Variants in TBCD observed in about 807,000 individuals in gnomAD.
The protein encoded by TBCD is tubulin folding cofactor D.
In TBCD, 105 loss-of-function variants were observed where a neutral mutation model predicts 169.3. The observed-to-expected ratio is 0.62, with a 90% CI of 0.53 to 0.73. TBCD has a LOEUF of 0.73. TBCD is among the 30% of genes least tolerant of loss of function. The pLI is 0.00. For missense variants in TBCD, 1,444 were observed against 1,600.1 expected (o/e 0.90, Z 1.66); for synonymous variants, 700 against 643.9 (o/e 1.09, Z -1.32).
rs145273451 is a variant in TBCD at position 82,915,381 on chromosome 17, C to T, written c.2038+3592C>T. 1.0e-2 allele frequency among the ~76,000 whole-genome samples: 1,519 copies of T among 152,276 alleles called. 8 individuals are homozygous for T. Among genetic ancestry groups the T allele is most frequent in the Non-Finnish European group, 0.016 (1,080 of 68,030 alleles). On this transcript the variant is annotated intron_variant, in intron 23 of 38. Coordinates refer to ENST00000355528, the MANE Select transcript of TBCD (RefSeq NM_005993.5). This position sits in a 1 kb window ranked among gnomAD's most constrained non-coding sequence, Gnocchi z 4.3. ...TCAAAGAAATGTCATACAGGTTGGC[C>T]TTTGTCGTGAATATTCACGAGAGGA...
chr17:82,759,716 A>C (rs1251776501), intron 2 of TBCD, among the ~76,000 whole-genome samples: 1 of 152,140 alleles, frequency 6.6e-6, no homozygotes, highest in Non-Finnish European at 1.5e-5. Flanking sequence ...ATTTTTCCTA[A>C]TCAGTTATGT....
chr17:82,848,675 T>G (rs1016675407), intron 13 of TBCD, among the ~76,000 whole-genome samples: 31 of 152,152 alleles, frequency 2.0e-4, no homozygotes, highest in African/African-American at 7.5e-4. Context: ...CAGATCTTCT[T>G]TTTTTTCATG....
chr17:82,771,812 T>TACTG (rs1034638631), intron 5 of TBCD, among the ~76,000 whole-genome samples: 24 of 151,372 alleles, frequency 1.6e-4, no homozygotes, highest in Non-Finnish European at 3.1e-4. Context: ...TAAGACCAGC[T>TACTG]ACTGGGGAGG....
chr17:82,925,673 G>A (rs542695483), intron 27 of TBCD, among the ~76,000 whole-genome samples: 5 of 152,354 alleles, frequency 3.3e-5, no homozygotes, highest in Admixed American at 2.0e-4. Context: ...ACTCCTGCCT[G>A]TGTGGCGGGT....
rs1049059880 is a variant in TBCD, at chr17:82,782,234, C to T, written c.771+513C>T. ...TTCCCTGCCCTTTCGCTCTGATTGT[C>T]TCTTGTGTTACCTTTTCTTGTGCTA... On this transcript the variant is annotated intron_variant, in intron 7 of 38. Transcript: ENST00000355528. The surrounding 1 kb of genome is among the most constrained non-coding windows in gnomAD (Gnocchi z 5.1). Among the ~76,000 whole-genome samples the T allele has an allele frequency of 2.0e-5, 3 of 151,068 alleles. No individual in the cohort carries two copies. Among genetic ancestry groups the T allele is most frequent in the African/African-American group, 7.2e-5 (3 of 41,412 alleles).
At chr17:82,879,059 C>CTTTTTTTTTT (rs58480407) in intron 14 of TBCD, among the ~76,000 whole-genome samples, 5 of 113,988 alleles carry the variant, frequency 4.4e-5, no homozygotes, top group Non-Finnish European at 5.4e-5. Flanking sequence ...AGATCCTGTT[C>CTTTTTTTTTT]TTTTTTTTTT....
intron 13 of TBCD, among the ~76,000 whole-genome samples, chr17:82,849,774 G>C (rs1598918172): frequency 6.6e-6 from 1 of 152,242 alleles, no homozygotes; most frequent in Non-Finnish European, 1.5e-5. Context: ...AGCCAGGCAG[G>C]ACCTTCTGCT....
In TBCD at chr17:82,782,794, GCGT is replaced by G; in HGVS notation, c.771+1078_771+1080del. Among the ~76,000 whole-genome samples, 1 of 151,096 alleles carries G rather than the reference GCGT, an allele frequency of 6.6e-6. No individual in the cohort carries two copies. Among genetic ancestry groups the G allele is most frequent in the East Asian group, 1.9e-4 (1 of 5,144 alleles). On this transcript the variant is annotated intron_variant, in intron 7 of 38. Coordinates refer to ENST00000355528, the MANE Select transcript of TBCD (RefSeq NM_005993.5). This position sits in a 1 kb window ranked among gnomAD's most constrained non-coding sequence, Gnocchi z 5.1. ...CCGCGGCGTTGTCTTCCTGTCTGTG[GCGT>G]CGTCCTGTCTGCGGTGGCGTCGTCC... is the stretch of plus-strand genomic sequence containing the variant.
At position 82,911,674 on chromosome 17, in the gene TBCD, C is replaced by G. The variant is rs78986388; in HGVS notation, c.2007-84C>G. On this transcript the variant is annotated intron_variant, in intron 22 of 38. Coordinates refer to ENST00000355528, the MANE Select transcript of TBCD (RefSeq NM_005993.5). ...TTCTCATTTTAATGCTTTTTGGAGC[C>G]TGAGGTTACATTGGCAAGCATATTT... 0.15 allele frequency: 197,312 copies of G among 1,338,250 alleles called. 16,532 individuals carry two copies. Among genetic ancestry groups the G allele is most frequent in the South Asian group, 0.29 (23,861 of 81,762 alleles). The allele number at this position is 1,338,250 out of a possible 1,614,324, so 82.9% of individuals were successfully genotyped here.
intron 13 of TBCD, among the ~76,000 whole-genome samples, chr17:82,857,877 GCAC>G (rs964553392): frequency 6.6e-6 from 1 of 150,830 alleles, no homozygotes; most frequent in Non-Finnish European, 1.5e-5. Context: ...CTGCTGCACT[GCAC>G]CCACTAACTC....
chr17:82,925,133 G>C, intron 27 of TBCD, 76 bp downstream of exon 27: 2 of 1,173,488 alleles, frequency 1.7e-6, no homozygotes. Flanking sequence ...CATGAGGTAG[G>C]CCCAGCCGTT....
Position 82,797,737 on chromosome 17 carries a change from A to ATT in TBCD, c.772-19_772-18insTT. ...TCTATTTGTATTTGTAACATTAAAA[A>ATT]TCTTTTTTTTTTTTTTTAGGCACAA... On this transcript the variant is annotated intron_variant, in intron 7 of 38. Coordinates refer to ENST00000355528, the MANE Select transcript of TBCD (RefSeq NM_005993.5). 3.2e-6 allele frequency: 4 copies of ATT among 1,262,354 alleles called. No individual in the cohort carries two copies. Among genetic ancestry groups the ATT allele is most frequent in the South Asian group, 1.3e-5 (1 of 75,008 alleles). 78.2% of individuals were successfully genotyped at this position (1,262,354 alleles called of 1,614,324 possible).
chr17:82,931,481 C>T (rs372025508), intron 33 of TBCD, among the ~76,000 whole-genome samples: 3 of 152,134 alleles, frequency 2.0e-5, no homozygotes, highest in Non-Finnish European at 4.4e-5. Context: ...GGCCGCGTGC[C>T]GGTCGCTCAT....
chr17:82,847,697 G>A (rs2055265534), intron 13 of TBCD, among the ~76,000 whole-genome samples: 1 of 152,138 alleles, frequency 6.6e-6, no homozygotes, highest in African/African-American at 2.4e-5. Context: ...GAGTGCAGTA[G>A]TGCGATCTCC....
intron 14 of TBCD, among the ~76,000 whole-genome samples, chr17:82,871,332 G>A (rs1265612639): frequency 6.6e-6 from 1 of 152,252 alleles, no homozygotes; most frequent in African/African-American, 2.4e-5. Flanking sequence ...TTGTGCTGAA[G>A]AAGGCAGGTG....
chr17:82,889,590 C>T lies in TBCD; in HGVS notation c.1534-78C>T, dbSNP rs781521327. 1.5e-5 allele frequency: 24 copies of T among 1,560,800 alleles called. No homozygotes were observed. The highest frequency in any genetic ancestry group is 2.1e-5 in the Non-Finnish European group (24 of 1,133,624). On this transcript the variant is annotated intron_variant, in intron 15 of 38. Transcript: ENST00000355528. The surrounding 1 kb of genome is among the most constrained non-coding windows in gnomAD (Gnocchi z 5.3). ...AAAGCCGTGGGTCATTCACGTTGTG[C>T]TGTTTGTTCTGAACTTGCCTCTGGT...
chr17:82,904,862 G>A (rs2060126066), intron 19 of TBCD, among the ~76,000 whole-genome samples: 1 of 152,196 alleles, frequency 6.6e-6, no homozygotes, highest in African/African-American at 2.4e-5. Flanking sequence ...TGCTGACACT[G>A]AGGGGGCTCA....
chr17:82,929,362 G>A lies in TBCD; in HGVS notation c.2853G>A (p.Arg951=), dbSNP rs1279965415. ...HRGELEKLFP[R]SDVASVNWSA... is the part of the protein sequence containing the mutation. Reference sequence around the variant, plus strand: ...CCTTGTCTCACTCACTCTCTTGCAGGTCCGATGTGGCCTCCGTGAACTGGA... The same window carrying A: ...CCTTGTCTCACTCACTCTCTTGCAGATCCGATGTGGCCTCCGTGAACTGGA... Residue 951 remains arginine (R), a splice_region_variant and synonymous_variant, in exon 32 of 39, where the codon AGG becomes AGA. Transcript: ENST00000355528. 1.9e-6 allele frequency: 3 copies of A among 1,612,486 alleles called. No individual in the cohort carries two copies. The highest frequency in any genetic ancestry group is 1.7e-5 in the Admixed American group (1 of 60,012).
chr17:82,768,281 C>G (rs2048125703), intron 4 of TBCD, 139 bp from the exon 5 acceptor site: 3 of 1,021,628 alleles, frequency 2.9e-6, no homozygotes, highest in Non-Finnish European at 4.4e-6. Context: ...GCTTGCATTT[C>G]TGGCCCTGAG....
Sources: gnomAD v4.1 joint callset for allele counts (sites outside exome capture counted in the v4.1 genomes callset) on GRCh38, gnomAD v4.1.1 for gene constraint, Gnocchi (gnomAD v3.1) non-coding constraint, MANE v1.5 for transcripts, NCBI Gene and HGNC (gene_info 2026-07-23, HGNC 2026-07-21) for gene names.